Variants in MIR2052HG observed in about 807,000 individuals in gnomAD.
The protein encoded by MIR2052HG is MIR2052 host gene.
In MIR2052HG at chr8:74,603,759, G is replaced by T. The variant is rs117759085; in HGVS notation, n.128+3851G>T. 1.6e-3 allele frequency: 1,377 copies of T among 848,464 alleles called. 3 individuals carry two copies. The highest frequency in any genetic ancestry group is 2.2e-3 in the Non-Finnish European group (1,033 of 480,044). The allele number at this position is 848,464 out of a possible 1,614,324, so 52.6% of individuals were successfully genotyped here. A position where few individuals can be genotyped will look rare whatever the true frequency, so the allele number is the denominator to read the frequency against. ...GGGGGGACTCCAACATGACCACACA[G>T]ATCTGTTTGACACACTCAATGATGG... On this transcript the variant is annotated intron_variant and non_coding_transcript_variant, in intron 1 of 6. Transcript: ENST00000523442.
At chr8:74,616,655 A>G (rs1373267791) in intron 2 of MIR2052HG, among the ~76,000 whole-genome samples, 1 of 152,052 alleles carries the variant, frequency 6.6e-6, no homozygotes, top group East Asian at 1.9e-4. Flanking sequence ...CACTATGGAT[A>G]TGTGGTGAGA....
In MIR2052HG at chr8:74,612,710, A is replaced by G. The variant is rs955528637; in HGVS notation, n.129-143A>G. The G allele has an allele frequency of 8.9e-6, 3 of 335,874 alleles. No homozygotes were observed. The Admixed American group carries it at 1.2e-4, about 13-fold the overall frequency. The allele number at this position is 335,874 out of a possible 1,614,324, so 20.8% of individuals were successfully genotyped here. A position where few individuals can be genotyped will look rare whatever the true frequency, so the allele number is the denominator to read the frequency against. ...GAATAACTAAACTACTAGTTTTATT[A>G]AGTCTTAAAAGTCATTTTATGCTGT... On this transcript the variant is annotated intron_variant and non_coding_transcript_variant, in intron 1 of 6. Coordinates refer to ENST00000523442, the Ensembl canonical transcript of MIR2052HG.
intron 2 of MIR2052HG, among the ~76,000 whole-genome samples, chr8:74,629,994 T>A (rs747435514): frequency 6.6e-6 from 1 of 152,166 alleles, no homozygotes; most frequent in East Asian, 1.9e-4. Context: ...ATACTAGGAA[T>A]TCTCTGACTG....
intron 4 of MIR2052HG, among the ~76,000 whole-genome samples, chr8:74,740,701 C>T (rs912305064): frequency 1.3e-5 from 2 of 152,126 alleles, no homozygotes; most frequent in Non-Finnish European, 2.9e-5. Flanking sequence ...GAATGAGACA[C>T]AGTGGAGTGC....
At chr8:74,716,247 G>A (rs1010352457) in intron 4 of MIR2052HG, among the ~76,000 whole-genome samples, 7 of 152,162 alleles carry the variant, frequency 4.6e-5, no homozygotes, top group African/African-American at 7.2e-5. Context: ...AGGGAGAAAT[G>A]GGTGCTTGTA....
chr8:74,626,205 G>C (rs909686303), intron 2 of MIR2052HG, among the ~76,000 whole-genome samples: 2 of 152,136 alleles, frequency 1.3e-5, no homozygotes, highest in African/African-American at 2.4e-5. Context: ...TTTGCTGCCA[G>C]CAATTATCAC....
intron 2 of MIR2052HG, among the ~76,000 whole-genome samples, chr8:74,664,179 T>C (rs1808896076): frequency 6.6e-6 from 1 of 150,416 alleles, no homozygotes; most frequent in Non-Finnish European, 1.5e-5. Context: ...TTGCGTACGA[T>C]GCAAACTACT....
intron 4 of MIR2052HG, among the ~76,000 whole-genome samples, chr8:74,730,866 G>A (rs1201309463): frequency 2.6e-5 from 4 of 152,130 alleles, no homozygotes; most frequent in African/African-American, 9.7e-5. Flanking sequence ...ATAAAGGTGA[G>A]AATATATACA....
At position 74,756,833 on chromosome 8, in the gene MIR2052HG, C is replaced by G. The variant is rs567438888; in HGVS notation, n.465-1278C>G. ...TTTTCTGACAGCCACTCCCCCAACCCCAGCACCTAGTATATATTATTTTCT... is the reference window on the plus strand; with the variant it reads ...TTTTCTGACAGCCACTCCCCCAACCGCAGCACCTAGTATATATTATTTTCT... On this transcript the variant is annotated intron_variant and non_coding_transcript_variant, in intron 5 of 6. Transcript: ENST00000523442. The G allele has an allele frequency of 3.9e-5, 6 of 152,328 alleles. No individual in the cohort carries two copies. The East Asian group carries it at 1.2e-3, about 29-fold the overall frequency. 9.4% of individuals were successfully genotyped at this position (152,328 alleles called of 1,614,324 possible). A position where few individuals can be genotyped will look rare whatever the true frequency, so the allele number is the denominator to read the frequency against.
At chr8:74,635,746 T>A (rs1329581526) in intron 2 of MIR2052HG, among the ~76,000 whole-genome samples, 1 of 152,178 alleles carries the variant, frequency 6.6e-6, no homozygotes, top group Non-Finnish European at 1.5e-5. Context: ...GTCAGGAGCA[T>A]ATATTGATGT....
intron 4 of MIR2052HG, chr8:74,752,324 A>G (rs1315736627): frequency 3.0e-6 from 1 of 332,628 alleles, no homozygotes; most frequent in African/African-American, 2.3e-5. Context: ...TAAGAGATTA[A>G]TTTTCAATTA....
intron 2 of MIR2052HG, among the ~76,000 whole-genome samples, chr8:74,673,144 G>C (rs547616293): frequency 6.6e-6 from 1 of 152,034 alleles, no homozygotes; most frequent in Non-Finnish European, 1.5e-5. Context: ...GGACAGTTAC[G>C]TATTGTTTAA....
At chr8:74,672,777 A>G (rs1419416028) in intron 2 of MIR2052HG, among the ~76,000 whole-genome samples, 2 of 152,030 alleles carry the variant, frequency 1.3e-5, no homozygotes, top group Non-Finnish European at 2.9e-5. Flanking sequence ...TATTATTTTA[A>G]TATCTGCTGA....
intron 2 of MIR2052HG, among the ~76,000 whole-genome samples, chr8:74,693,607 G>A (rs1217619700): frequency 2.0e-5 from 3 of 150,702 alleles, no homozygotes; most frequent in Admixed American, 6.6e-5. Context: ...GCTATTGCGG[G>A]GGCGGGGGGG....
chr8:74,724,237 G>T (rs1350709184), intron 4 of MIR2052HG, among the ~76,000 whole-genome samples: 1 of 151,720 alleles, frequency 6.6e-6, no homozygotes, highest in Admixed American at 6.6e-5. Flanking sequence ...AGTATTAAAG[G>T]CAGAAACTTT....
intron 2 of MIR2052HG, among the ~76,000 whole-genome samples, chr8:74,680,834 C>T (rs1257083677): frequency 3.3e-5 from 5 of 151,070 alleles, no homozygotes; most frequent in Admixed American, 3.3e-4. Context: ...CAATGATAGA[C>T]TGGATTAAGA....
intron 1 of MIR2052HG, among the ~76,000 whole-genome samples, chr8:74,612,187 T>A (rs1586888509): frequency 1.3e-5 from 2 of 152,300 alleles, no homozygotes; most frequent in Admixed American, 1.3e-4. Context: ...TCCAGCTACC[T>A]CTTCTTTATC....
chr8:74,694,932 C>A (rs915192729), intron 2 of MIR2052HG, among the ~76,000 whole-genome samples: 11 of 152,074 alleles, frequency 7.2e-5, no homozygotes, highest in African/African-American at 2.7e-4. Flanking sequence ...AGTTCTCCAG[C>A]CTTGCTAGAG....
At chr8:74,622,800 C>T (rs2128732916) in intron 2 of MIR2052HG, among the ~76,000 whole-genome samples, 1 of 151,746 alleles carries the variant, frequency 6.6e-6, no homozygotes, top group East Asian at 1.9e-4. Flanking sequence ...TAAGTTAGTA[C>T]AGTACAGTCA....
Sources: allele counts gnomAD v4.1 joint callset (sites outside exome capture counted in the v4.1 genomes callset), GRCh38; gene constraint gnomAD v4.1.1; transcripts MANE v1.5; gene names NCBI Gene and HGNC (gene_info 2026-07-23, HGNC 2026-07-21).